HIBCH: variants seen among roughly 807,000 people sequenced by gnomAD.
HIBCH encodes 3-hydroxyisobutyryl-CoA hydrolase, also known as 3-hydroxyisobutyryl-CoA hydrolase, mitochondrial.
HIBCH carries 50 observed loss-of-function variants against 58.2 expected under a neutral mutation model. That is an observed-to-expected ratio of 0.86 (90% CI 0.68 to 1.09). The LOEUF (loss-of-function observed/expected upper bound fraction) is 1.09, where lower values mean the gene tolerates loss of function less well. Ranked by LOEUF, HIBCH falls within the 50% of genes least tolerant of loss-of-function variation. HIBCH has a pLI of 0.00. For synonymous variants in HIBCH, 151 were observed against 146.9 expected, an observed-to-expected ratio of 1.03 and a Z score of -0.20; for missense variants, 450 against 449.7, an observed-to-expected ratio of 1.00 and a Z score of -0.01.
intron 6 of HIBCH, among the ~76,000 whole-genome samples, chr2:190,266,231 G>A (rs1453083785): frequency 6.6e-6 from 1 of 152,150 alleles, no homozygotes; most frequent in Admixed American, 6.5e-5. Context: ...CAGTTACTGA[G>A]TGCATGTTCA....
intron 1 of HIBCH, among the ~76,000 whole-genome samples, chr2:190,193,254 C>T (rs74888825): frequency 0.033 from 4,977 of 151,950 alleles, 271 homozygotes; most frequent in African/African-American, 0.11. Flanking sequence ...TGAATTATAT[C>T]TATTGTCTTT....
intron 5 of HIBCH, among the ~76,000 whole-genome samples, 155 bp downstream of exon 5, chr2:190,290,250 A>G (rs1357431684): frequency 6.6e-6 from 1 of 152,242 alleles, no homozygotes; most frequent in African/African-American, 2.4e-5. Context: ...TTCTGAAATA[A>G]GCACTTAAAA....
chr2:190,212,454 T>A (rs1690535070), intron 12 of HIBCH, among the ~76,000 whole-genome samples: 1 of 152,196 alleles, frequency 6.6e-6, no homozygotes, highest in African/African-American at 2.4e-5. Flanking sequence ...AAATATGAGA[T>A]GTTTCATGAA....
rs1287111173 is a variant in HIBCH, at chr2:190,207,035, T to C, written c.1046-1803A>G. Among the ~76,000 whole-genome samples the C allele has an allele frequency of 6.6e-6, 1 of 152,014 alleles. No individual in the cohort carries two copies. Among genetic ancestry groups the C allele is most frequent in the Non-Finnish European group, 1.5e-5 (1 of 67,994 alleles). On this transcript the variant is annotated intron_variant, in intron 13 of 13. Coordinates refer to ENST00000359678, the MANE Select transcript of HIBCH (RefSeq NM_014362.4). This position sits in a 1 kb window ranked among gnomAD's most constrained non-coding sequence, Gnocchi z 4.5. ...TACTCGGGAGGCTGAGGCAGGAGAA[T>C]GGTGTGAACCCGGGAGGCGGAGTTT...
intron 9 of HIBCH, among the ~76,000 whole-genome samples, chr2:190,246,687 A>C (rs1447674996): frequency 3.9e-5 from 6 of 152,242 alleles, no homozygotes; most frequent in Non-Finnish European, 8.8e-5. Context: ...TAATTCTGGA[A>C]CAAAAACCAA....
At position 190,236,371 on chromosome 2, in the gene HIBCH, AT is replaced by A. The variant is rs1686274282; in HGVS notation, c.891+8515del. 6.6e-6 allele frequency among the ~76,000 whole-genome samples: 1 copy of A among 151,196 alleles called. No individual in the cohort carries two copies. Among genetic ancestry groups the A allele is most frequent in the Admixed American group, 6.6e-5 (1 of 15,160 alleles). On this transcript the variant is annotated intron_variant, in intron 11 of 13. Coordinates refer to ENST00000359678, the MANE Select transcript of HIBCH (RefSeq NM_014362.4). This position sits in a 1 kb window ranked among gnomAD's most constrained non-coding sequence, Gnocchi z 4.1. ...CTCTATTATACTCTGTTAGTTTTTA[AT>A]TTTTTAAGCTAGTTTAAATCAAACA...
rs555065278 is a variant in HIBCH, at chr2:190,227,188, G to C, written c.892-14113C>G. Among the ~76,000 whole-genome samples the C allele has an allele frequency of 1.1e-3, 169 of 152,228 alleles. 1 individual carries two copies. The highest frequency in any genetic ancestry group is 3.9e-3 in the African/African-American group (164 of 41,544). On this transcript the variant is annotated intron_variant, in intron 11 of 13. Coordinates refer to ENST00000359678, the MANE Select transcript of HIBCH (RefSeq NM_014362.4). ...ACCTGACTTCAAACTATACTACAAG[G>C]CTACAGTAACCCAAACAGCATGGTA...
At position 190,247,379 on chromosome 2, in the gene HIBCH, G is replaced by A. The variant is rs145069303; in HGVS notation, c.751-1167C>T. Among the ~76,000 whole-genome samples, 856 of 152,110 alleles carry A rather than the reference G, an allele frequency of 5.6e-3. 4 individuals carry two copies. The highest frequency in any genetic ancestry group is 0.02 in the African/African-American group (810 of 41,484). On this transcript the variant is annotated intron_variant, in intron 9 of 13. Transcript: ENST00000359678. ...AATTCATCACATATTTACTCAATTC[G>A]ACAACAGGAGACTATCAAATGCTCT...
intron 11 of HIBCH, among the ~76,000 whole-genome samples, chr2:190,231,165 G>C (rs1013970042): frequency 6.6e-6 from 1 of 152,058 alleles, no homozygotes. Flanking sequence ...AATAATGTGG[G>C]AAAAAATTAA....
At chr2:190,307,461 C>T (rs1474541296) in intron 2 of HIBCH, among the ~76,000 whole-genome samples, 1 of 152,102 alleles carries the variant, frequency 6.6e-6, no homozygotes, top group Non-Finnish European at 1.5e-5. Flanking sequence ...CATTTGTGCC[C>T]AGAGGTTCGA....
intron 11 of HIBCH, among the ~76,000 whole-genome samples, chr2:190,239,648 T>G (rs113289193): frequency 0.034 from 2,170 of 63,346 alleles, 14 homozygotes; most frequent in Admixed American, 0.045. Flanking sequence ...TGGTTTGTAG[T>G]TTTTTTTTTT....
intron 2 of HIBCH, among the ~76,000 whole-genome samples, chr2:190,307,048 G>A (rs564054058): frequency 4.7e-4 from 72 of 152,164 alleles, no homozygotes; most frequent in African/African-American, 1.6e-3. Flanking sequence ...CCCAGTTTAC[G>A]GTTTTGTTAC....
At chr2:190,202,882 T>G (rs1046208716), downstream of HIBCH, 1 of 167,118 alleles carries the variant, frequency 6.0e-6, no homozygotes, top group Non-Finnish European at 1.5e-5. Context: ...TTGTCGCTTA[T>G]GTACTGTTGT....
At chr2:190,221,917 A>G (rs1170978676) in intron 11 of HIBCH, among the ~76,000 whole-genome samples, 2 of 152,120 alleles carry the variant, frequency 1.3e-5, no homozygotes, top group African/African-American at 4.8e-5. Context: ...AGCCACTTTC[A>G]TCAACAATAA....
At chr2:190,288,824 T>C (rs1364425287) in intron 5 of HIBCH, among the ~76,000 whole-genome samples, 1 of 152,116 alleles carries the variant, frequency 6.6e-6, no homozygotes, top group Non-Finnish European at 1.5e-5. Context: ...TCTTTAAACT[T>C]ACACCACACC....
chr2:190,251,388 C>T (rs978819572), intron 8 of HIBCH: 7 of 268,234 alleles, frequency 2.6e-5, no homozygotes, highest in African/African-American at 1.2e-4. Flanking sequence ...CCTACTCATA[C>T]GGTTCAGGAA....
Position 190,319,738 on chromosome 2 carries a change from C to T in HIBCH, c.13G>A (p.Glu5Lys). 1 of 1,612,908 alleles carries T rather than the reference C, an allele frequency of 6.2e-7. No individual in the cohort carries two copies. Among genetic ancestry groups the T allele is most frequent in the Non-Finnish European group, 8.5e-7 (1 of 1,179,518 alleles). The change falls in exon 1 of 14, where the codon GAG (glutamate) becomes AAG (lysine). Residue 5 changes from glutamate to lysine, a missense_variant. Physicochemically the swap from Glu to Lys is moderately conservative, Grantham distance 56 (BLOSUM62 1). Coordinates refer to ENST00000359678, the MANE Select transcript of HIBCH (RefSeq NM_014362.4). MGQR[E>K]MWRLMSRFNA... is the part of the protein sequence containing the mutation. ...CACCTCGACATGAGCCTCCACATCT[C>T]GCGCTGCCCCATCGCCAAACACTCC...
At chr2:190,198,501 C>T (rs1370505387) in intron 1 of HIBCH, among the ~76,000 whole-genome samples, 1 of 151,770 alleles carries the variant, frequency 6.6e-6, no homozygotes, top group Non-Finnish European at 1.5e-5. Context: ...GGCATGGTGA[C>T]TTGTGCCTGC....
intron 7 of HIBCH, among the ~76,000 whole-genome samples, chr2:190,253,488 G>A (rs553862355): frequency 3.3e-5 from 5 of 152,090 alleles, no homozygotes; most frequent in Admixed American, 2.0e-4. Flanking sequence ...ACCTCCCCGC[G>A]CCAGTCCCAC....
Sources: allele counts gnomAD v4.1 joint callset (sites outside exome capture counted in the v4.1 genomes callset), GRCh38; gene constraint gnomAD v4.1.1; non-coding constraint Gnocchi (gnomAD v3.1); transcripts MANE v1.5; gene names NCBI Gene and HGNC (gene_info 2026-07-23, HGNC 2026-07-21).